The following NR6A1 variants were observed in gnomAD, a reference collection of about 807,000 sequenced individuals.
NR6A1 encodes the protein retinoic acid receptor-related testis-associated receptor.
In NR6A1, 7 loss-of-function variants were observed where a neutral mutation model predicts 59.1. The observed-to-expected ratio is 0.12, with a 90% CI of 0.07 to 0.22. The LOEUF (loss-of-function observed/expected upper bound fraction) is 0.22. Among genes scored for constraint, NR6A1 ranks in the 10% least tolerant of loss-of-function variants. The probability of loss-of-function intolerance (pLI) is 1.00; values close to 1 mark genes in which losing one functional copy is unlikely to be tolerated. For missense variants in NR6A1, 468 were observed against 611.6 expected (o/e 0.77, Z 2.48); for synonymous variants, 243 against 236.1 (o/e 1.03, Z -0.27).
Position 124,548,961 on chromosome 9 carries a change from A to C in NR6A1, c.386-5104T>G, listed in dbSNP as rs111504832. ...CAGTCAATCCATCTAACCAGGGAGCATCCTATCACTACTGAGTTATTTGCT... is the reference window on the plus strand; with the variant it reads ...CAGTCAATCCATCTAACCAGGGAGCCTCCTATCACTACTGAGTTATTTGCT... On this transcript the variant is annotated intron_variant, in intron 3 of 9. Coordinates refer to ENST00000487099, the MANE Select transcript of NR6A1 (RefSeq NM_033334.4). Among the ~76,000 whole-genome samples the C allele has an allele frequency of 4.6e-3, 708 of 152,264 alleles. 6 individuals carry two copies. Among genetic ancestry groups the C allele is most frequent in the African/African-American group, 0.016 (662 of 41,536 alleles).
chr9:124,578,504 T>A (rs1475636902), intron 2 of NR6A1, among the ~76,000 whole-genome samples: 1 of 152,194 alleles, frequency 6.6e-6, no homozygotes, highest in Non-Finnish European at 1.5e-5. Flanking sequence ...TCTTTTACAT[T>A]TCATCATCCA....
chr9:124,726,045 C>T (rs1326039065), intron 2 of NR6A1, among the ~76,000 whole-genome samples: 6 of 152,082 alleles, frequency 3.9e-5, no homozygotes, highest in Non-Finnish European at 7.4e-5. Flanking sequence ...TTTTATGGTA[C>T]CAATCACAGG....
At chr9:124,768,886 A>ATCTACATATAT (rs1161815123) in intron 1 of NR6A1, among the ~76,000 whole-genome samples, 24 of 152,218 alleles carry the variant, frequency 1.6e-4, no homozygotes, top group Non-Finnish European at 3.1e-4. Flanking sequence ...TTATATGCAC[A>ATCTACATATAT]GGTGGGTACA....
intron 2 of NR6A1, among the ~76,000 whole-genome samples, chr9:124,593,280 T>C (rs1588694590): frequency 6.6e-6 from 1 of 152,198 alleles, no homozygotes; most frequent in Admixed American, 6.5e-5. Flanking sequence ...CGAGAGCCAA[T>C]ACCAGCTGTT....
chr9:124,599,598 G>GGCC, intron 2 of NR6A1: 1 of 1,162,764 alleles, frequency 8.6e-7, no homozygotes, highest in African/African-American at 1.7e-5. Flanking sequence ...CGGCGGCGGC[G>GGCC]GCCGCTCGGC....
rs1252803111 is a variant in NR6A1 at position 124,711,741 on chromosome 9, A to G, written c.142+21567T>C. ...CCACTGGATACCCACTGAGTAAGTC[A>G]AGATTTTCAAGCTTGAGAGGCAAGA... On this transcript the variant is annotated intron_variant, in intron 2 of 9. Transcript: ENST00000487099. Among the ~76,000 whole-genome samples, 3 of 152,196 alleles carry G rather than the reference A, an allele frequency of 2.0e-5. No homozygotes were observed. In the East Asian group the frequency reaches 5.8e-4, roughly 29 times the overall value.
At chr9:124,683,799 T>TA (rs897704682) in intron 2 of NR6A1, among the ~76,000 whole-genome samples, 5 of 151,970 alleles carry the variant, frequency 3.3e-5, no homozygotes, top group African/African-American at 7.3e-5. Context: ...ATCTCAAAAA[T>TA]AAAAAAATAT....
intron 2 of NR6A1, among the ~76,000 whole-genome samples, chr9:124,623,874 GCCT>G (rs1836155499): frequency 6.6e-6 from 1 of 152,132 alleles, no homozygotes; most frequent in Non-Finnish European, 1.5e-5. Flanking sequence ...GACAACATAA[GCCT>G]CCTCCCCTTT....
At chr9:124,750,489 G>A (rs1013168918) in intron 1 of NR6A1, among the ~76,000 whole-genome samples, 9 of 152,180 alleles carry the variant, frequency 5.9e-5, no homozygotes, top group African/African-American at 1.9e-4. Flanking sequence ...GGCCAGGCGC[G>A]GTGGCTCACG....
chr9:124,526,713 G>A, intron 8 of NR6A1, 66 bp downstream of exon 8: 1 of 1,596,634 alleles, frequency 6.3e-7, no homozygotes, highest in African/African-American at 1.3e-5. Context: ...GGTGAAACAG[G>A]AGGGCAAATG....
chr9:124,614,389 A>C (rs1268028893), intron 2 of NR6A1, among the ~76,000 whole-genome samples: 1 of 152,244 alleles, frequency 6.6e-6, no homozygotes, highest in Non-Finnish European at 1.5e-5. Context: ...AAAAACTTTC[A>C]AAGTTAGAGA....
intron 2 of NR6A1, among the ~76,000 whole-genome samples, chr9:124,709,516 C>A (rs2131068037): frequency 6.6e-6 from 1 of 152,156 alleles, no homozygotes; most frequent in Non-Finnish European, 1.5e-5. Flanking sequence ...AAGTTATCAA[C>A]CAGAGGCACT....
intron 2 of NR6A1, among the ~76,000 whole-genome samples, chr9:124,730,590 T>C (rs1189138755): frequency 3.4e-5 from 5 of 148,414 alleles, no homozygotes; most frequent in Admixed American, 6.7e-5. Context: ...TCCTATTCTA[T>C]ACTGATGTAT....
chr9:124,559,095 T>A (rs896740192), intron 2 of NR6A1, among the ~76,000 whole-genome samples: 3 of 152,200 alleles, frequency 2.0e-5, no homozygotes, highest in African/African-American at 7.2e-5. Flanking sequence ...TACCATGCAA[T>A]GTGCAAGAAG....
At chr9:124,687,261 C>T (rs894981467) in intron 2 of NR6A1, among the ~76,000 whole-genome samples, 37 of 149,180 alleles carry the variant, frequency 2.5e-4, no homozygotes, top group African/African-American at 9.5e-4. Context: ...GCTGGGACTA[C>T]AGGCACATGC....
At chr9:124,768,671 T>C (rs1283615218) in intron 1 of NR6A1, among the ~76,000 whole-genome samples, 2 of 152,232 alleles carry the variant, frequency 1.3e-5, no homozygotes, top group Non-Finnish European at 2.9e-5. Flanking sequence ...TTCTTTCAAA[T>C]GGTTCTGACC....
chr9:124,660,772 T>C (rs1837410189), intron 2 of NR6A1, among the ~76,000 whole-genome samples: 1 of 152,008 alleles, frequency 6.6e-6, no homozygotes, highest in Admixed American at 6.6e-5. Flanking sequence ...ACGAGTCCCA[T>C]GTGCTCGCTT....
intron 2 of NR6A1, among the ~76,000 whole-genome samples, chr9:124,618,749 C>A (rs1835973555): frequency 6.6e-6 from 1 of 152,150 alleles, no homozygotes; most frequent in African/African-American, 2.4e-5. Flanking sequence ...GCCATTTGTT[C>A]ACTGCCACTG....
chr9:124,713,148 C>T (rs1191176538), intron 2 of NR6A1, among the ~76,000 whole-genome samples: 1 of 152,056 alleles, frequency 6.6e-6, no homozygotes, highest in Admixed American at 6.6e-5. Context: ...GTTACCAAGA[C>T]CACTCAATGG....
Sources: gnomAD v4.1 joint callset for allele counts (sites outside exome capture counted in the v4.1 genomes callset) on GRCh38, gnomAD v4.1.1 for gene constraint, MANE v1.5 for transcripts, NCBI Gene and HGNC (gene_info 2026-07-23, HGNC 2026-07-21) for gene names.